Variants in CACNA1I observed in about 807,000 individuals in gnomAD.
CACNA1I encodes voltage-dependent T-type calcium channel subunit alpha-1I.
CACNA1I carries 74 observed loss-of-function variants against 201.6 expected under a neutral mutation model. The observed-to-expected ratio is 0.37, with a 90% CI of 0.30 to 0.45. CACNA1I has a LOEUF of 0.45. CACNA1I is among the 20% of genes least tolerant of loss of function. The pLI, the probability that CACNA1I is intolerant of heterozygous loss-of-function variation, is 1.00. For missense variants in CACNA1I, 2,346 were observed against 3,138.1 expected (o/e 0.75, Z 6.03); for synonymous variants, 1,431 against 1,345.2 (o/e 1.06, Z -1.40).
chr22:39,670,360 C>T (rs1005758315), intron 25 of CACNA1I, 130 bp downstream of exon 25: 61 of 903,574 alleles, frequency 6.8e-5, no homozygotes, highest in Non-Finnish European at 9.5e-5. Context: ...CAGGGCTCAG[C>T]CACTTCTCCC....
At chr22:39,661,041 C>G in intron 15 of CACNA1I, 67 bp from the exon 16 acceptor site, 1 of 1,262,636 alleles carries the variant, frequency 7.9e-7, no homozygotes, top group Non-Finnish European at 1.1e-6. Context: ...TGTCTCGTGG[C>G]TCCCTTGCTG....
intron 7 of CACNA1I, 46 bp downstream of exon 7, chr22:39,642,935 G>C (rs1934386850): frequency 1.5e-6 from 2 of 1,312,526 alleles, no homozygotes; most frequent in African/African-American, 1.5e-5. Flanking sequence ...CAGAACCCAT[G>C]GACCAGGGGA....
At chr22:39,646,006 G>C (rs971767071) in intron 7 of CACNA1I, among the ~76,000 whole-genome samples, 17 of 152,196 alleles carry the variant, frequency 1.1e-4, no homozygotes, top group Non-Finnish European at 2.5e-4. Context: ...AGCCCACGAC[G>C]GGCTGTGGCC....
rs535006920 is a variant in CACNA1I, at chr22:39,673,731, C to T, written c.4784-232C>T. The stretch of plus-strand genomic sequence containing the variant: ...AGTTTCCATGAGTATGCCCCGTCCT[C>T]GGGGGCTTTTCTACAGTGACACCCA... On this transcript the variant is annotated intron_variant, in intron 28 of 36. Transcript: ENST00000402142. Among the ~76,000 whole-genome samples, 285 of 152,328 alleles carry T rather than the reference C, an allele frequency of 1.9e-3. 9 individuals carry two copies. In the South Asian group the frequency reaches 0.058, roughly 31 times the overall value.
chr22:39,655,958 C>T (rs1036910680), intron 10 of CACNA1I, among the ~76,000 whole-genome samples: 2 of 152,194 alleles, frequency 1.3e-5, no homozygotes, highest in African/African-American at 2.4e-5. Flanking sequence ...ATCATCATCA[C>T]GGAGTGTCAG....
At chr22:39,585,112 C>T (rs181769582) in intron 1 of CACNA1I, among the ~76,000 whole-genome samples, 21 of 152,172 alleles carry the variant, frequency 1.4e-4, no homozygotes, top group Non-Finnish European at 2.4e-4. Flanking sequence ...CAGGCTGGAG[C>T]GCAGTGGTGC....
At chr22:39,638,545 A>G (rs1201017151) in intron 5 of CACNA1I, among the ~76,000 whole-genome samples, 1 of 152,172 alleles carries the variant, frequency 6.6e-6, no homozygotes, top group Non-Finnish European at 1.5e-5. Flanking sequence ...TAGGTGTAAA[A>G]TGATCTCATT....
rs148142625 is a variant in CACNA1I at position 39,646,706 on chromosome 22, C to T, written c.1287C>T (p.Ala429=). 1.1e-4 allele frequency: 179 copies of T among 1,595,240 alleles called. No homozygotes were observed. The African/African-American group carries it at 2.0e-3, about 18-fold the overall frequency. The change falls in exon 8 of 37, where the codon GCC becomes GCT. Residue 429 remains alanine (A), a synonymous_variant. Coordinates refer to ENST00000402142, the MANE Select transcript of CACNA1I (RefSeq NM_021096.4). ...YLSSSTVASY[A]EPGDCYEEIF... The stretch of plus-strand genomic sequence containing the variant: ...CCTCCAGCACGGTGGCCAGCTACGC[C>T]GAGCCTGGCGACTGCTACGAGGAGA...
chr22:39,589,148 T>C (rs1932793658), intron 1 of CACNA1I, among the ~76,000 whole-genome samples: 1 of 152,172 alleles, frequency 6.6e-6, no homozygotes, highest in African/African-American at 2.4e-5. Flanking sequence ...CACGGCCAAA[T>C]GTCCCTTGGG....
intron 8 of CACNA1I, 110 bp downstream of exon 8, chr22:39,646,991 A>G: frequency 7.1e-7 from 1 of 1,414,012 alleles, no homozygotes; most frequent in African/African-American, 1.4e-5. Context: ...TCTTCACTTC[A>G]TGCTCAAGTG....
intron 1 of CACNA1I, among the ~76,000 whole-genome samples, chr22:39,587,095 A>C (rs1049374780): frequency 2.0e-5 from 3 of 152,166 alleles, no homozygotes; most frequent in African/African-American, 7.2e-5. Flanking sequence ...TTGGCTTCTC[A>C]TCCCAGCTGG....
intron 10 of CACNA1I, among the ~76,000 whole-genome samples, chr22:39,653,922 T>C (rs1023348510): frequency 1.3e-5 from 2 of 152,120 alleles, no homozygotes; most frequent in African/African-American, 4.8e-5. Flanking sequence ...ACTCACGAAG[T>C]GGTGAAATGG....
rs1262352577 is a variant in CACNA1I, at chr22:39,681,064, T to G, written c.5664+12T>G. 2.5e-6 allele frequency: 4 copies of G among 1,605,308 alleles called. No individual in the cohort carries two copies. The highest frequency in any genetic ancestry group is 3.4e-6 in the Non-Finnish European group (4 of 1,177,482). ...GCAAAGACAGCAAGGTCAGCTCCCC[T>G]GGGGACTCCTGAGCAGGCGGGTCTG... On this transcript the variant is annotated intron_variant, in intron 34 of 36. Coordinates refer to ENST00000402142, the MANE Select transcript of CACNA1I (RefSeq NM_021096.4).
At chr22:39,577,669 C>A (rs1932403541) in intron 1 of CACNA1I, among the ~76,000 whole-genome samples, 1 of 152,260 alleles carries the variant, frequency 6.6e-6, no homozygotes, top group Non-Finnish European at 1.5e-5. Flanking sequence ...AGCCAGGAGA[C>A]CCGTCGAGAG....
At chr22:39,576,619 G>A (rs1244871472) in intron 1 of CACNA1I, among the ~76,000 whole-genome samples, 4 of 152,228 alleles carry the variant, frequency 2.6e-5, no homozygotes, top group Non-Finnish European at 5.9e-5. Flanking sequence ...GCGGAAGCCA[G>A]TCGGCTGTGA....
At chr22:39,585,453 G>A (rs1391148428) in intron 1 of CACNA1I, among the ~76,000 whole-genome samples, 7 of 132,012 alleles carry the variant, frequency 5.3e-5, no homozygotes, top group African/African-American at 1.5e-4. Context: ...GCAGTGGCGC[G>A]ATCTTGGCTC....
rs978668299 is a variant in CACNA1I, at chr22:39,673,954, C to T, written c.4784-9C>T. The T allele has an allele frequency of 7.4e-6, 12 of 1,611,960 alleles. No individual in the cohort carries two copies. Among genetic ancestry groups the T allele is most frequent in the Middle Eastern group, 1.8e-4 (1 of 5,638 alleles). ...GGGCTGAGTGGGCAGGGCTGGGTCT[C>T]GCCCGCAGTGCTGAAGCTGTTGAAG... On this transcript the variant is annotated splice_polypyrimidine_tract_variant and intron_variant, in intron 28 of 36. Coordinates refer to ENST00000402142, the MANE Select transcript of CACNA1I (RefSeq NM_021096.4).
At chr22:39,673,215 T>C in intron 28 of CACNA1I, 133 bp downstream of exon 28, 1 of 988,420 alleles carries the variant, frequency 1.0e-6, no homozygotes, top group Non-Finnish European at 1.5e-6. Context: ...GGTGGGCTCC[T>C]TGCTGAACAG....
intron 1 of CACNA1I, among the ~76,000 whole-genome samples, chr22:39,588,697 T>C (rs1317997922): frequency 2.6e-5 from 4 of 152,130 alleles, no homozygotes; most frequent in Non-Finnish European, 5.9e-5. Flanking sequence ...CAAGGCATTT[T>C]CATATAAGTC....
Sources: gnomAD v4.1 joint callset for allele counts (sites outside exome capture counted in the v4.1 genomes callset) on GRCh38, gnomAD v4.1.1 for gene constraint, MANE v1.5 for transcripts, NCBI Gene and HGNC (gene_info 2026-07-23, HGNC 2026-07-21) for gene names.